The following EP300 variants were observed in gnomAD, a reference collection of about 807,000 sequenced individuals.
EP300 encodes the protein EP300 lysine acetyltransferase, also known as histone acetyltransferase p300.
EP300 carries 31 observed loss-of-function variants against 264.0 expected under a neutral mutation model. The observed-to-expected ratio is 0.12, with a 90% CI of 0.09 to 0.16. The LOEUF (loss-of-function observed/expected upper bound fraction) is 0.16. Ranked by LOEUF, EP300 falls within the 10% of genes least tolerant of loss-of-function variation. The probability of loss-of-function intolerance (pLI) is 1.00; values close to 1 mark genes in which losing one functional copy is unlikely to be tolerated. For synonymous variants in EP300, 1,340 were observed against 1,045.4 expected, an observed-to-expected ratio of 1.28 and a Z score of -5.44; for missense variants, 2,766 against 3,052.9, an observed-to-expected ratio of 0.91 and a Z score of 2.21.
chr22:41,124,321 A>G (rs567877769), intron 2 of EP300, among the ~76,000 whole-genome samples: 141 of 152,112 alleles, frequency 9.3e-4, no homozygotes, highest in African/African-American at 3.3e-3. Flanking sequence ...AGGTGACTTA[A>G]TAGAGCAGCT....
intron 18 of EP300, 131 bp downstream of exon 18, chr22:41,157,539 T>TTTTTTTTTTTTTTTTTTTTTTTTTTG (rs1442154595): frequency 9.0e-7 from 1 of 1,113,874 alleles, no homozygotes. Flanking sequence ...TTTTTTCCTT[T>TTTTTTTTTTTTTTTTTTTTTTTTTTG]TTGACAGGGT....
intron 9 of EP300, 85 bp downstream of exon 9, chr22:41,140,342 C>G: frequency 1.1e-6 from 1 of 926,100 alleles, no homozygotes; most frequent in South Asian, 1.3e-5. Flanking sequence ...ACAAGTAGTA[C>G]ATATGCTTCA....
At position 41,178,244 on chromosome 22, in the gene EP300, A is replaced by G. The variant is rs754808991; in HGVS notation, c.6533A>G (p.Gln2178Arg). ...ATGAACCACAACACCATGCCTTCAC[A>G]ATTCCGAGACATCTTGAGACGACAG... is the stretch of plus-strand genomic sequence containing the variant. The part of the protein sequence containing the change: ...MNMNHNTMPS[Q>R]FRDILRRQQM... Residue 2178 changes from glutamine to arginine, a missense_variant, in exon 31 of 31, where the codon CAA (glutamine) becomes CGA (arginine). Coordinates refer to ENST00000263253, the MANE Select transcript of EP300 (RefSeq NM_001429.4). The G allele has an allele frequency of 2.5e-6, 4 of 1,614,094 alleles. No individual in the cohort carries two copies. The highest frequency in any genetic ancestry group is 1.3e-5 in the African/African-American group (1 of 75,012).
chr22:41,151,793 C>T (rs1422119899), intron 14 of EP300, 40 bp from the exon 15 acceptor site: 3 of 1,601,284 alleles, frequency 1.9e-6, no homozygotes, highest in Non-Finnish European at 2.6e-6. Flanking sequence ...TTGGCAGACT[C>T]TGCGTGTGTC....
At chr22:41,145,921 A>AT (rs932482870) in intron 10 of EP300, among the ~76,000 whole-genome samples, 1 of 151,570 alleles carries the variant, frequency 6.6e-6, no homozygotes, top group African/African-American at 2.4e-5. Context: ...AGGATATTTT[A>AT]TTTTTTTAAG....
Position 41,117,366 on chromosome 22 carries a change from A to G in EP300, c.274A>G (p.Asn92Asp). The G allele has an allele frequency of 6.2e-7, 1 of 1,614,174 alleles. No individual in the cohort carries two copies. The highest frequency in any genetic ancestry group is 1.1e-5 in the South Asian group (1 of 91,084). Residue 92 changes from asparagine (N) to aspartate (D), a missense_variant, in exon 2 of 31, where the codon AAC (asparagine) becomes GAC (aspartate). Transcript: ENST00000263253. The stretch of plus-strand genomic sequence containing the variant: ...ATTGCTGCGATCTGGTAGTTCCCCT[A>G]ACCTCAATATGGGAGTTGGTGGCCC... ...SELLRSGSSP[N>D]LNMGVGGPGQ...
chr22:41,172,413 T>G, intron 27 of EP300, 86 bp from the exon 28 acceptor site: 1 of 1,244,254 alleles, frequency 8.0e-7, no homozygotes, highest in Non-Finnish European at 1.2e-6. Flanking sequence ...TAAGCTTTCA[T>G]GTTTCTTGTC....
At chr22:41,130,143 C>T in intron 5 of EP300, 140 bp downstream of exon 5, 1 of 687,848 alleles carries the variant, frequency 1.5e-6, no homozygotes, top group East Asian at 2.8e-5. Flanking sequence ...TTTAATTTTT[C>T]TGCTTCCCTA....
intron 14 of EP300, among the ~76,000 whole-genome samples, chr22:41,151,433 T>C (rs1158298633): frequency 6.6e-6 from 1 of 152,218 alleles, no homozygotes; most frequent in Non-Finnish European, 1.5e-5. Flanking sequence ...TTATATTTAT[T>C]GTCTCCTTTT....
chr22:41,165,846 T>C (rs2059131044), intron 22 of EP300, among the ~76,000 whole-genome samples: 1 of 152,198 alleles, frequency 6.6e-6, no homozygotes, highest in South Asian at 2.1e-4. Flanking sequence ...CTCAGCTCAC[T>C]GCAACCTCCA....
intron 20 of EP300, among the ~76,000 whole-genome samples, chr22:41,162,223 C>T (rs2059112216): frequency 6.6e-6 from 1 of 152,160 alleles, no homozygotes; most frequent in Admixed American, 6.5e-5. Flanking sequence ...TAGGCCATAA[C>T]TAGTATAAGA....
At chr22:41,173,187 C>T (rs1366797204) in intron 28 of EP300, among the ~76,000 whole-genome samples, 1 of 152,218 alleles carries the variant, frequency 6.6e-6, no homozygotes, top group African/African-American at 2.4e-5. Context: ...CTTAAATAGT[C>T]TGTTAACAAA....
intron 3 of EP300, among the ~76,000 whole-genome samples, chr22:41,127,227 G>GT (rs2058887983): frequency 6.6e-6 from 1 of 152,034 alleles, no homozygotes; most frequent in Admixed American, 6.6e-5. Context: ...TCCCGCTGGA[G>GT]TTTACCATGT....
chr22:41,144,313 A>G (rs2058998840), intron 10 of EP300, among the ~76,000 whole-genome samples: 2 of 152,128 alleles, frequency 1.3e-5, no homozygotes, highest in African/African-American at 4.8e-5. Context: ...AATGTGAAAG[A>G]TGGACATTTT....
At chr22:41,167,192 T>G (rs1013825412) in intron 23 of EP300, among the ~76,000 whole-genome samples, 16 of 152,234 alleles carry the variant, frequency 1.1e-4, no homozygotes, top group Non-Finnish European at 2.4e-4. Context: ...AGATGGCGTT[T>G]TGCCATGTTG....
chr22:41,154,376 CTTTTTTTTTTT>C (rs869304891), intron 16 of EP300, among the ~76,000 whole-genome samples: 1 of 61,792 alleles, frequency 1.6e-5, no homozygotes, highest in Admixed American at 3.5e-4. Context: ...CTTGTGCACT[CTTTTTTTTTTT>C]TTTTTTTTTT....
intron 3 of EP300, among the ~76,000 whole-genome samples, chr22:41,126,987 G>A (rs1347633985): frequency 1.3e-5 from 2 of 151,856 alleles, no homozygotes; most frequent in Non-Finnish European, 2.9e-5. Context: ...CAGGTGATCC[G>A]CCTGCCTCGG....
At chr22:41,139,961 C>T (rs184785554) in intron 8 of EP300, among the ~76,000 whole-genome samples, 179 bp from the exon 9 acceptor site, 18 of 152,092 alleles carry the variant, frequency 1.2e-4, no homozygotes, top group African/African-American at 3.1e-4. Context: ...ATATTGTGAA[C>T]GGAAATATAG....
intron 1 of EP300, among the ~76,000 whole-genome samples, chr22:41,094,346 T>C (rs2058690571): frequency 6.6e-6 from 1 of 152,214 alleles, no homozygotes; most frequent in Non-Finnish European, 1.5e-5. Flanking sequence ...CGAGAGCATG[T>C]TTCTAAATAG....
Sources: gnomAD v4.1 joint callset for allele counts (sites outside exome capture counted in the v4.1 genomes callset) on GRCh38, gnomAD v4.1.1 for gene constraint, MANE v1.5 for transcripts, NCBI Gene and HGNC (gene_info 2026-07-23, HGNC 2026-07-21) for gene names.